The following SHANK2 variants were observed in gnomAD, a reference collection of about 807,000 sequenced individuals.
SHANK2 encodes SH3 and multiple ankyrin repeat domains 2.
Under a neutral mutation model 133.7 loss-of-function variants are expected in SHANK2, and 43 were observed. That is an observed-to-expected ratio of 0.32 (90% CI 0.25 to 0.41). SHANK2 has a LOEUF of 0.41. Ranked by LOEUF, SHANK2 falls within the 10% of genes least tolerant of loss-of-function variation. The probability of loss-of-function intolerance (pLI) is 1.00; values close to 1 mark genes in which losing one functional copy is unlikely to be tolerated. For missense variants in SHANK2, 1,994 were observed against 2,235.8 expected (o/e 0.89, Z 2.18); for synonymous variants, 1,017 against 952.8 (o/e 1.07, Z -1.24).
At chr11:71,149,860 A>AG (rs1555107527) in intron 2 of SHANK2, among the ~76,000 whole-genome samples, 1 of 93,780 alleles carries the variant, frequency 1.1e-5, no homozygotes, top group South Asian at 5.0e-4. Context: ...GGAGGGAGGG[A>AG]AGGAAAGAAG....
At chr11:70,475,055 G>A (rs1017600923) in intron 25 of SHANK2, 4 of 152,374 alleles carry the variant, frequency 2.6e-5, no homozygotes, top group Admixed American at 1.3e-4. Flanking sequence ...CGTGTGGGGA[G>A]ACTCCCTGGA....
In SHANK2 at chr11:70,473,249, C is replaced by T. The variant is rs377255888; in HGVS notation, c.5170G>A (p.Ala1724Thr). ...GAGGCGGTGGCAGCAGACAGGGGGG[C>T]GGGCAGGGTCTCTTTGTTCATCTCT... ...PTEMNKETLP[A>T]PLSAATASPS... Residue 1724 changes from alanine to threonine, a missense_variant, in exon 26 of 26, where the codon GCC becomes ACC. Ala to Thr is a moderately conservative substitution (Grantham distance 58, BLOSUM62 0). This residue lies in a region of SHANK2 where 797 missense variants were observed against 907.4 expected (regional missense o/e 0.88). Coordinates refer to ENST00000601538, the MANE Select transcript of SHANK2 (RefSeq NM_012309.5). This position sits in a 1 kb window ranked among gnomAD's most constrained non-coding sequence, Gnocchi z 5.9. 2.3e-5 allele frequency: 37 copies of T among 1,609,850 alleles called. No homozygotes were observed. The highest frequency in any genetic ancestry group is 1.6e-4 in the African/African-American group (12 of 74,850).
rs189778721 is a variant in SHANK2 at position 70,514,053 on chromosome 11, A to T, written c.2062-11122T>A. 4.4e-3 allele frequency among the ~76,000 whole-genome samples: 666 copies of T among 152,312 alleles called. 8 individuals are homozygous for T. Among genetic ancestry groups the T allele is most frequent in the African/African-American group, 0.015 (623 of 41,582 alleles). ...TGAATCCCCAAAAAGATAAGTATTT[A>T]AAAAATTATATAGGGACATTATAGT... On this transcript the variant is annotated intron_variant, in intron 17 of 25. Coordinates refer to ENST00000601538, the MANE Select transcript of SHANK2 (RefSeq NM_012309.5).
At chr11:71,186,817 G>C (rs184384046) in intron 2 of SHANK2, among the ~76,000 whole-genome samples, 163 of 152,304 alleles carry the variant, frequency 1.1e-3, no homozygotes, top group Non-Finnish European at 2.0e-3. Context: ...ACGTGTCCCA[G>C]GACTTAGGGA....
intron 17 of SHANK2, among the ~76,000 whole-genome samples, chr11:70,518,683 G>A (rs1287780119): frequency 6.6e-6 from 1 of 152,164 alleles, no homozygotes; most frequent in South Asian, 2.1e-4. Flanking sequence ...AGGCGGTGCC[G>A]GGCATACCCA....
chr11:70,854,070 G>C (rs1476917602), intron 11 of SHANK2, among the ~76,000 whole-genome samples: 8 of 152,202 alleles, frequency 5.3e-5, no homozygotes, highest in Non-Finnish European at 8.8e-5. Flanking sequence ...CCAGAAGAAA[G>C]ACCCTGCAGT....
chr11:70,608,129 C>T (rs1554993056), intron 17 of SHANK2, among the ~76,000 whole-genome samples: 1 of 152,114 alleles, frequency 6.6e-6, no homozygotes, highest in Non-Finnish European at 1.5e-5. Flanking sequence ...GGAATCTGAC[C>T]CTAATTTGCA....
intron 11 of SHANK2, among the ~76,000 whole-genome samples, chr11:70,828,859 A>AC (rs1163019995): frequency 6.6e-6 from 1 of 151,854 alleles, no homozygotes; most frequent in Non-Finnish European, 1.5e-5. Flanking sequence ...GACGCTCAAC[A>AC]CCCCCTCCAT....
Position 70,599,917 on chromosome 11 carries a change from A to AAGAAAGAT in SHANK2, c.2061+59910_2061+59911insATCTTTCT, listed in dbSNP as rs1565166434. Among the ~76,000 whole-genome samples, 210 of 77,534 alleles carry AAGAAAGAT rather than the reference A, an allele frequency of 2.7e-3. 2 individuals carry two copies. The highest frequency in any genetic ancestry group is 0.012 in the African/African-American group (202 of 16,602). 50.9% of individuals were successfully genotyped at this position (77,534 alleles called of 152,430 possible). On this transcript the variant is annotated intron_variant, in intron 17 of 25. Transcript: ENST00000601538. ...AGAAAGAAAGAAAGAGAAAGAAAGA[A>AAGAAAGAT]AGAAAGAAAGAAAGAAAGAAAGAAA...
chr11:70,678,216 G>A (rs1555017651), intron 15 of SHANK2, among the ~76,000 whole-genome samples: 1 of 151,690 alleles, frequency 6.6e-6, no homozygotes, highest in African/African-American at 2.4e-5. Flanking sequence ...GCACGATCTT[G>A]GCTCACTGCA....
intron 10 of SHANK2, among the ~76,000 whole-genome samples, chr11:70,919,070 G>T (rs1182005557): frequency 6.6e-6 from 1 of 152,070 alleles, no homozygotes; most frequent in Non-Finnish European, 1.5e-5. Context: ...AGGCTGAGGT[G>T]AGAGGATTAC....
intron 15 of SHANK2, among the ~76,000 whole-genome samples, chr11:70,697,474 T>C (rs929778969): frequency 6.6e-6 from 1 of 151,962 alleles, no homozygotes; most frequent in Non-Finnish European, 1.5e-5. Flanking sequence ...GGTGGGTGGG[T>C]GCGAGGGGCA....
In SHANK2 at chr11:70,798,573, G is replaced by A. The variant is rs886084233; in HGVS notation, c.1664-17C>T. 1 of 718,558 alleles carries A rather than the reference G, an allele frequency of 1.4e-6. No homozygotes were observed. 44.5% of individuals were successfully genotyped at this position (718,558 alleles called of 1,614,324 possible). ...TGCTCAGAACTAGAGACGACAAAAA[G>A]GGAGAGGTGTTAGCAGGGGGGACGT... On this transcript the variant is annotated splice_polypyrimidine_tract_variant and intron_variant, in intron 13 of 25. Coordinates refer to ENST00000601538, the MANE Select transcript of SHANK2 (RefSeq NM_012309.5).
intron 14 of SHANK2, among the ~76,000 whole-genome samples, chr11:70,710,790 G>C (rs1381181185): frequency 6.6e-6 from 1 of 152,170 alleles, no homozygotes; most frequent in East Asian, 1.9e-4. Context: ...CCGGAGCCCT[G>C]TGAGAGCCTG....
At chr11:70,736,170 C>G (rs1469016156) in intron 14 of SHANK2, among the ~76,000 whole-genome samples, 1 of 152,026 alleles carries the variant, frequency 6.6e-6, no homozygotes, top group Admixed American at 6.5e-5. Context: ...ACCACACACA[C>G]CTGTGTTCAC....
chr11:70,599,935 G>GAA (rs1342549096), intron 17 of SHANK2, among the ~76,000 whole-genome samples: 13 of 124,088 alleles, frequency 1.0e-4, no homozygotes, highest in Non-Finnish European at 1.9e-4. Flanking sequence ...AAGAAAGAAA[G>GAA]AAAGAAAGAA....
At chr11:70,722,838 C>T (rs892066353) in intron 14 of SHANK2, among the ~76,000 whole-genome samples, 8 of 152,186 alleles carry the variant, frequency 5.3e-5, no homozygotes, top group Non-Finnish European at 1.0e-4. Context: ...GCAGGACTTA[C>T]GACTTATGAG....
intron 2 of SHANK2, among the ~76,000 whole-genome samples, chr11:71,192,844 T>A (rs564961732): frequency 6.6e-6 from 1 of 152,200 alleles, no homozygotes; most frequent in Non-Finnish European, 1.5e-5. Context: ...ACCCAGAGAA[T>A]GCAATCATGC....
chr11:70,904,510 GTTTTT>G (rs11336653), intron 10 of SHANK2, among the ~76,000 whole-genome samples: 2 of 136,286 alleles, frequency 1.5e-5, no homozygotes, highest in Non-Finnish European at 1.6e-5. Flanking sequence ...GATCTGATGG[GTTTTT>G]TTTTTTTTTT....
Sources: allele counts gnomAD v4.1 joint callset (sites outside exome capture counted in the v4.1 genomes callset), GRCh38; gene constraint gnomAD v4.1.1; regional missense constraint gnomAD v4.1.1; non-coding constraint Gnocchi (gnomAD v3.1); transcripts MANE v1.5; gene names NCBI Gene and HGNC (gene_info 2026-07-23, HGNC 2026-07-21).